Variants in HTATSF1 observed in about 807,000 individuals in gnomAD.
HTATSF1 encodes the protein HIV-1 Tat specific factor 1, also known as 17S U2 SnRNP complex component HTATSF1.
HTATSF1 carries 6 observed loss-of-function variants against 46.1 expected under a neutral mutation model. The ratio of observed to expected loss-of-function variants is 0.13; its 90% CI spans 0.07 to 0.26. The LOEUF is 0.26. Ranked by LOEUF, HTATSF1 falls within the 10% of genes least tolerant of loss-of-function variation. The pLI is 1.00. For synonymous variants in HTATSF1, 226 were observed against 211.5 expected (o/e 1.07, Z -0.60); for missense variants, 452 against 559.9 (o/e 0.81, Z 1.94).
chrX:136,499,040 T>C (rs1303265652), intron 1 of HTATSF1, among the ~76,000 whole-genome samples: 6 of 113,332 alleles, frequency 5.3e-5, no homozygotes, highest in African/African-American at 1.9e-4. Context: ...TAATTTGTGA[T>C]AAAGTTAAAA....
rs2075746395 is a variant in HTATSF1, at chrX:136,507,282, T to C, written c.835-1809T>C. On this transcript the variant is annotated intron_variant, in intron 6 of 8. Coordinates refer to ENST00000218364, the MANE Select transcript of HTATSF1 (RefSeq NM_014500.5). ...AGAAGCAACATACCTAAGAATACTG[T>C]CTGATCTGAAGGCTAACATTTTTAA... 2.7e-5 allele frequency among the ~76,000 whole-genome samples: 3 copies of C among 112,232 alleles called. No individual in the cohort carries two copies. The South Asian group carries it at 1.1e-3, about 41-fold the overall frequency.
intron 4 of HTATSF1, among the ~76,000 whole-genome samples, chrX:136,501,826 T>C (rs982086575): frequency 9.0e-6 from 1 of 111,695 alleles, no homozygotes; most frequent in African/African-American, 3.3e-5. Context: ...GGATGGTAGT[T>C]TTGTAATGTT....
At chrX:136,500,032 C>A (rs1172592676) in intron 2 of HTATSF1, 126 bp from the exon 3 acceptor site, 2 of 520,672 alleles carry the variant, frequency 3.8e-6, no homozygotes, top group African/African-American at 2.4e-5. Context: ...TTATCTTGGT[C>A]TTTTAAGAGT....
At chrX:136,504,907 C>T (rs1233822368) in intron 6 of HTATSF1, among the ~76,000 whole-genome samples, 9 of 111,713 alleles carry the variant, frequency 8.1e-5, no homozygotes, top group Non-Finnish European at 1.3e-4. Flanking sequence ...CCAAGAACAG[C>T]AAGTAAAAGT....
In HTATSF1 at chrX:136,512,072, T is replaced by C; in HGVS notation, c.*59T>C. ...ATCTACATTTGCCTGTGCTTCAGGG[T>C]AATTACTAGTAGTGTTACATGAACA... On this transcript the variant is annotated 3_prime_UTR_variant, in exon 9 of 9. Coordinates refer to ENST00000218364, the MANE Select transcript of HTATSF1 (RefSeq NM_014500.5). 1 of 1,079,652 alleles carries C rather than the reference T, an allele frequency of 9.3e-7. No individual in the cohort carries two copies. The highest frequency in any genetic ancestry group is 1.2e-6 in the Non-Finnish European group (1 of 802,769). 89.0% of individuals were successfully genotyped at this position (1,079,652 alleles called of 1,213,427 possible).
rs1447318632 is a variant in HTATSF1, at chrX:136,497,803, C to G, written c.119C>G (p.Ser40Cys). 8.3e-7 allele frequency: 1 copy of G among 1,198,768 alleles called. No homozygotes were observed. The highest frequency in any genetic ancestry group is 1.8e-5 in the African/African-American group (1 of 57,081). ...ACCGATGCCGGCGGAGAACCCGATTCTCTCGGGCAGCAGCCGACGGACACT... is the reference window on the plus strand; with the variant it reads ...ACCGATGCCGGCGGAGAACCCGATTGTCTCGGGCAGCAGCCGACGGACACT... ...TQTDAGGEPD[S>C]LGQQPTDTPY... The change falls in exon 1 of 9, where the codon TCT (serine) becomes TGT (cysteine). Residue 40 changes from serine to cysteine, a missense_variant. Coordinates refer to ENST00000218364, the MANE Select transcript of HTATSF1 (RefSeq NM_014500.5).
intron 6 of HTATSF1, among the ~76,000 whole-genome samples, chrX:136,506,029 AT>A (rs1417777972): frequency 8.9e-6 from 1 of 111,960 alleles, no homozygotes; most frequent in African/African-American, 3.3e-5. Flanking sequence ...GTGAATGTAA[AT>A]GCAAACCTAA....
chrX:136,499,143 C>T (rs1257261486), intron 1 of HTATSF1, among the ~76,000 whole-genome samples: 2 of 112,739 alleles, frequency 1.8e-5, no homozygotes, highest in Non-Finnish European at 3.7e-5. Context: ...TATTTAAGTA[C>T]TTATTGTACA....
chrX:136,505,085 A>G (rs2075735850), intron 6 of HTATSF1, among the ~76,000 whole-genome samples: 1 of 112,377 alleles, frequency 8.9e-6, no homozygotes, highest in Non-Finnish European at 1.9e-5. Context: ...CTGTATTCTT[A>G]TCTCTGTCTA....
intron 7 of HTATSF1, among the ~76,000 whole-genome samples, chrX:136,509,878 T>C (rs2075759283): frequency 1.8e-5 from 2 of 112,083 alleles, no homozygotes; most frequent in African/African-American, 6.5e-5. Flanking sequence ...ACATTGTGCT[T>C]GGTTCTTGCT....
At chrX:136,501,390 A>G (rs1217953445) in intron 4 of HTATSF1, among the ~76,000 whole-genome samples, 1 of 112,614 alleles carries the variant, frequency 8.9e-6, no homozygotes, top group Non-Finnish European at 1.9e-5. Flanking sequence ...GAATTAGACC[A>G]TGAAGGAGAC....
chrX:136,509,375 G>A (rs2075757184), intron 7 of HTATSF1, among the ~76,000 whole-genome samples, 195 bp downstream of exon 7: 1 of 111,928 alleles, frequency 8.9e-6, no homozygotes. Context: ...GATTTGGTAT[G>A]CCTTGCTTAT....
Position 136,511,949 on chromosome X carries a change from A to G in HTATSF1, c.2204A>G (p.Glu735Gly). Residue 735 changes from glutamate (E) to glycine (G), a missense_variant, in exon 9 of 9, where the codon GAA becomes GGA. Physicochemically the swap from Glu to Gly is moderately conservative, Grantham distance 98 (BLOSUM62 -2). Around this residue, in one of 3 missense-constraint regions of HTATSF1, gnomAD observed 246 missense variants for 245.3 expected, o/e 1.00. Coordinates refer to ENST00000218364, the MANE Select transcript of HTATSF1 (RefSeq NM_014500.5). ...GTLGGFGSVEEGPLSTGSSFI... is the reference protein window; with the variant it reads ...GTLGGFGSVEGGPLSTGSSFI... ...TTGGGTGGTTTTGGGAGTGTTGAAG[A>G]AGGGCCCCTATCCACTGGCAGCAGC... 8.3e-7 allele frequency: 1 copy of G among 1,211,306 alleles called. No individual in the cohort carries two copies. Among genetic ancestry groups the G allele is most frequent in the Middle Eastern group, 2.3e-4 (1 of 4,351 alleles).
At position 136,499,600 on chromosome X, in the gene HTATSF1, T is replaced by G; in HGVS notation, c.189T>G (p.Ile63Met). The change falls in exon 2 of 9, where the codon ATT becomes ATG. Residue 63 changes from isoleucine (I) to methionine (M), a missense_variant and splice_region_variant. Transcript: ENST00000218364. ...GGTCTGTTGAATTGCTTGTGTAGAT[T>G]ACTGAAGATTTCATTGCTACATATC... Reference protein sequence around the residue: ...DLDKKAWFPKITEDFIATYQA... With the variant: ...DLDKKAWFPKMTEDFIATYQA... The G allele has an allele frequency of 8.6e-7, 1 of 1,165,374 alleles. No homozygotes were observed. The highest frequency in any genetic ancestry group is 1.1e-6 in the Non-Finnish European group (1 of 875,766).
chrX:136,510,377 TTAA>T (rs759980184), intron 8 of HTATSF1, among the ~76,000 whole-genome samples, 158 bp downstream of exon 8: 1 of 113,071 alleles, frequency 8.8e-6, no homozygotes, highest in African/African-American at 3.2e-5. Flanking sequence ...ACTCTTCCTC[TTAA>T]TTATTTACAG....
At chrX:136,503,937 G>C (rs768741335) in intron 5 of HTATSF1, among the ~76,000 whole-genome samples, 4 of 111,162 alleles carry the variant, frequency 3.6e-5, no homozygotes, top group Non-Finnish European at 7.5e-5. Context: ...GGGGTGCAAT[G>C]TTGGCTCACT....
At chrX:136,503,886 T>TAA (rs1312583623) in intron 5 of HTATSF1, among the ~76,000 whole-genome samples, 1 of 111,360 alleles carries the variant, frequency 9.0e-6, no homozygotes, top group African/African-American at 3.3e-5. Flanking sequence ...TTTTATTTAT[T>TAA]TGAGGCAAGA....
Position 136,502,084 on chromosome X carries a change from C to G in HTATSF1, c.571-694C>G, listed in dbSNP as rs757181082. Among the ~76,000 whole-genome samples the G allele has an allele frequency of 9.9e-5, 11 of 111,293 alleles. No homozygotes were observed. The East Asian group carries it at 3.1e-3, about 31-fold the overall frequency. ...TATCCATTTTTCTTTTCTACAGGTC[C>G]TCTGATCTTTGACTCTGTTTGTATA... is the stretch of plus-strand genomic sequence containing the variant. On this transcript the variant is annotated intron_variant, in intron 4 of 8. Coordinates refer to ENST00000218364, the MANE Select transcript of HTATSF1 (RefSeq NM_014500.5).
At chrX:136,504,898 C>G (rs968586188) in intron 6 of HTATSF1, among the ~76,000 whole-genome samples, 1 of 111,687 alleles carries the variant, frequency 9.0e-6, no homozygotes, top group African/African-American at 3.3e-5. Flanking sequence ...TGGAAAATTC[C>G]AAGAACAGCA....
Sources: gnomAD v4.1 joint callset for allele counts (sites outside exome capture counted in the v4.1 genomes callset) on GRCh38, gnomAD v4.1.1 for gene constraint, gnomAD v4.1.1 regional missense constraint, MANE v1.5 for transcripts, NCBI Gene and HGNC (gene_info 2026-07-23, HGNC 2026-07-21) for gene names.